The following RGS12 variants were observed in gnomAD, a reference collection of about 807,000 sequenced individuals.
RGS12 encodes the protein regulator of G protein signaling 12.
RGS12 carries 66 observed loss-of-function variants against 120.1 expected under a neutral mutation model. That is an observed-to-expected ratio of 0.55 (90% CI 0.45 to 0.67). The LOEUF (loss-of-function observed/expected upper bound fraction) is 0.67, where lower values mean the gene tolerates loss of function less well. Ranked by LOEUF, RGS12 falls within the 30% of genes least tolerant of loss-of-function variation. The pLI is 0.00. For synonymous variants in RGS12, 827 were observed against 804.7 expected (o/e 1.03, Z -0.47); for missense variants, 1,859 against 1,957.7 (o/e 0.95, Z 0.95).
chr4:3,348,224 A>G (rs1714008191), intron 3 of RGS12, among the ~76,000 whole-genome samples: 1 of 152,258 alleles, frequency 6.6e-6, no homozygotes, highest in Non-Finnish European at 1.5e-5. Context: ...ATAGTCATTC[A>G]TTTAACCAGA....
intron 1 of RGS12, among the ~76,000 whole-genome samples, chr4:3,305,643 C>T (rs1344511311): frequency 6.6e-6 from 1 of 152,114 alleles, no homozygotes. Context: ...GAAGGAGCCT[C>T]AGATGTGCCT....
chr4:3,295,666 A>G, intron 1 of RGS12, among the ~76,000 whole-genome samples: 1 of 151,202 alleles, frequency 6.6e-6, no homozygotes, highest in South Asian at 2.1e-4. Context: ...GTCTCAAAAA[A>G]AAAAAAAAAA....
Position 3,374,991 on chromosome 4 carries a change from G to A in RGS12, c.1999-11425G>A, listed in dbSNP as rs566212628. On this transcript the variant is annotated intron_variant, in intron 3 of 17. Transcript: ENST00000336727. This position sits in a 1 kb window ranked among gnomAD's most constrained non-coding sequence, Gnocchi z 6.3. The stretch of plus-strand genomic sequence containing the variant: ...GATGCTTTGCCAAGTGAGTGGGAGC[G>A]TTCTCAGCTTGCGTTTGCCATGCAC... 2.6e-5 allele frequency among the ~76,000 whole-genome samples: 4 copies of A among 152,274 alleles called. No homozygotes were observed. The highest frequency in any genetic ancestry group is 4.8e-5 in the African/African-American group (2 of 41,558).
Position 3,374,941 on chromosome 4 carries a change from C to T in RGS12, c.1999-11475C>T, listed in dbSNP as rs1056647369. On this transcript the variant is annotated intron_variant, in intron 3 of 17. Transcript: ENST00000336727. This position sits in a 1 kb window ranked among gnomAD's most constrained non-coding sequence, Gnocchi z 6.3. ...TTGTACATCCAGCATCTCAGGATGG[C>T]TCGCCACGTCATGGGGGCTCAGCAG... 6.6e-6 allele frequency among the ~76,000 whole-genome samples: 1 copy of T among 152,188 alleles called. No homozygotes were observed. Among genetic ancestry groups the T allele is most frequent in the African/African-American group, 2.4e-5 (1 of 41,450 alleles).
At chr4:3,361,084 C>T (rs750325314) in intron 3 of RGS12, among the ~76,000 whole-genome samples, 8 of 152,184 alleles carry the variant, frequency 5.3e-5, no homozygotes, top group Non-Finnish European at 1.0e-4. Context: ...GTGGGATGCT[C>T]GGTGGCTGTA....
chr4:3,316,300 C>T lies in RGS12; in HGVS notation c.130C>T (p.Leu44Phe), dbSNP rs1237606524. The T allele has an allele frequency of 3.7e-6, 6 of 1,614,012 alleles. No homozygotes were observed. The highest frequency in any genetic ancestry group is 5.1e-6 in the Non-Finnish European group (6 of 1,180,030). Residue 44 changes from leucine (L) to phenylalanine (F), a missense_variant, in exon 2 of 18, where the codon CTC (leucine) becomes TTC (phenylalanine). By Grantham distance (22) the Leu-to-Phe change is conservative (BLOSUM62 0). Around this residue, in one of 3 missense-constraint regions of RGS12, gnomAD observed 967 missense variants for 994.2 expected, o/e 0.97. Transcript: ENST00000336727. ...GCTTTCGGGACAGGCACCCTGTGTG[C>T]TCAGCTGCGTCATGAGAGGGAGCCC... ...FTLSGQAPCVLSCVMRGSPAD... is the reference protein window; with the variant it reads ...FTLSGQAPCVFSCVMRGSPAD...
At chr4:3,303,315 G>C (rs1346023075) in intron 1 of RGS12, among the ~76,000 whole-genome samples, 1 of 152,170 alleles carries the variant, frequency 6.6e-6, no homozygotes, top group Non-Finnish European at 1.5e-5. Flanking sequence ...GGTGAGCCTC[G>C]GTACGGCGAC....
chr4:3,329,080 A>T (rs566040408), intron 2 of RGS12, among the ~76,000 whole-genome samples: 2 of 152,168 alleles, frequency 1.3e-5, no homozygotes, highest in Non-Finnish European at 2.9e-5. Flanking sequence ...TGAAAGGCAC[A>T]AAGACCGAGC....
chr4:3,346,997 T>C (rs1355543236), intron 3 of RGS12, among the ~76,000 whole-genome samples: 2 of 152,060 alleles, frequency 1.3e-5, no homozygotes, highest in Non-Finnish European at 2.9e-5. Context: ...CAGATTTTTT[T>C]TTTTTTGTAA....
intron 1 of RGS12, among the ~76,000 whole-genome samples, chr4:3,310,235 G>T (rs1444712440): frequency 2.4e-5 from 3 of 124,458 alleles, no homozygotes; most frequent in Non-Finnish European, 5.3e-5. Context: ...TGGGGGAGGA[G>T]CTGGGACCCG....
chr4:3,354,773 C>T (rs910316259), intron 3 of RGS12, among the ~76,000 whole-genome samples: 5 of 152,084 alleles, frequency 3.3e-5, no homozygotes, highest in Non-Finnish European at 7.4e-5. Flanking sequence ...TCACAGCTTT[C>T]AGTGTATACA....
At chr4:3,367,856 CTGT>C (rs1265141247) in intron 3 of RGS12, among the ~76,000 whole-genome samples, 8 of 152,224 alleles carry the variant, frequency 5.3e-5, no homozygotes, top group Non-Finnish European at 1.2e-4. Context: ...GTTGGAGGCC[CTGT>C]TGTTAGTGAC....
At chr4:3,412,588 G>T (rs752030487) in intron 4 of RGS12, among the ~76,000 whole-genome samples, 1 of 152,232 alleles carries the variant, frequency 6.6e-6, no homozygotes, top group Non-Finnish European at 1.5e-5. Flanking sequence ...CTTATCCTGC[G>T]CACCGTGCCA....
chr4:3,412,876 A>T (rs1433058510), intron 4 of RGS12: 4 of 152,338 alleles, frequency 2.6e-5, no homozygotes, highest in African/African-American at 9.6e-5. Flanking sequence ...CACGGTGGGC[A>T]GCGGTCCCTG....
At position 3,390,828 on chromosome 4, in the gene RGS12, G is replaced by A. The variant is rs1013989749; in HGVS notation, c.2020+4391G>A. ...GGCTGCCTGATGGGGGAGGGTTACC[G>A]TAATTGCCGGATTAACTTGGGGGAC... is the stretch of plus-strand genomic sequence containing the variant. On this transcript the variant is annotated intron_variant, in intron 4 of 17. Coordinates refer to ENST00000336727, the MANE Select transcript of RGS12 (RefSeq NM_001394154.1). The surrounding 1 kb of genome is among the most constrained non-coding windows in gnomAD (Gnocchi z 4.6). Among the ~76,000 whole-genome samples, 1 of 152,212 alleles carries A rather than the reference G, an allele frequency of 6.6e-6. No homozygotes were observed. The highest frequency in any genetic ancestry group is 6.5e-5 in the Admixed American group (1 of 15,282).
chr4:3,322,031 C>A (rs1725234210), intron 2 of RGS12, among the ~76,000 whole-genome samples: 1 of 152,226 alleles, frequency 6.6e-6, no homozygotes, highest in Non-Finnish European at 1.5e-5. Flanking sequence ...CATTGTTGTC[C>A]TTTGCCAACG....
At chr4:3,394,645 T>C (rs1368518243) in intron 4 of RGS12, among the ~76,000 whole-genome samples, 2 of 152,226 alleles carry the variant, frequency 1.3e-5, no homozygotes, top group African/African-American at 4.8e-5. Flanking sequence ...GCAATTGTTT[T>C]TCAAGTAATG....
At chr4:3,286,125 C>T in the RGS12 span, among the ~76,000 whole-genome samples, 4 of 152,232 alleles carry the variant, frequency 2.6e-5, no homozygotes, top group Non-Finnish European at 5.9e-5. Context: ...TCTGGTTATT[C>T]GTGAGGCCAC....
At chr4:3,308,763 C>T (rs1319562552) in intron 1 of RGS12, among the ~76,000 whole-genome samples, 1 of 152,258 alleles carries the variant, frequency 6.6e-6, no homozygotes, top group African/African-American at 2.4e-5. Flanking sequence ...AGATTCTTGT[C>T]TGCCTTTAGC....
Sources: gnomAD v4.1 joint callset for allele counts (sites outside exome capture counted in the v4.1 genomes callset) on GRCh38, gnomAD v4.1.1 for gene constraint, gnomAD v4.1.1 regional missense constraint, Gnocchi (gnomAD v3.1) non-coding constraint, MANE v1.5 for transcripts, NCBI Gene and HGNC (gene_info 2026-07-23, HGNC 2026-07-21) for gene names.